Variants in UBR1 observed in about 807,000 individuals in gnomAD.
The protein encoded by UBR1 is ubiquitin protein ligase E3 component n-recognin 1.
Under a neutral mutation model 242.1 loss-of-function variants are expected in UBR1, and 102 were observed. The observed-to-expected ratio is 0.42, with a 90% CI of 0.36 to 0.50. The LOEUF is 0.50. UBR1 is among the 20% of genes least tolerant of loss of function. UBR1 has a pLI of 0.01. For synonymous variants in UBR1, 675 were observed against 684.8 expected, an observed-to-expected ratio of 0.99 and a Z score of 0.22; for missense variants, 1,772 against 2,101.8, an observed-to-expected ratio of 0.84 and a Z score of 3.07.
chr15:43,079,199 G>C (rs1346628331), intron 3 of UBR1, among the ~76,000 whole-genome samples: 1 of 152,142 alleles, frequency 6.6e-6, no homozygotes, highest in African/African-American at 2.4e-5. Context: ...AGGCACAGTG[G>C]CTCATGCCTG....
intron 12 of UBR1, among the ~76,000 whole-genome samples, chr15:43,051,438 G>C (rs1305247546): frequency 6.6e-6 from 1 of 152,188 alleles, no homozygotes; most frequent in Admixed American, 6.5e-5. Flanking sequence ...GAGGTTGGGA[G>C]GAGGGAGAGG....
At position 42,970,591 on chromosome 15, in the gene UBR1, C is replaced by G; in HGVS notation, c.4386G>C (p.Gln1462His). The G allele has an allele frequency of 6.2e-7, 1 of 1,613,718 alleles. No individual in the cohort carries two copies. The highest frequency in any genetic ancestry group is 8.5e-7 in the Non-Finnish European group (1 of 1,179,992). Reference protein sequence around the residue: ...LTVDTGLPLAQVQEDSEEAHS... With the variant: ...LTVDTGLPLAHVQEDSEEAHS... ...GAGCCTCTTCACTGTCTTCTTGAAC[C>G]TGAGCAAGGGGTAGGCCTGAAAAAG... Residue 1462 changes from glutamine to histidine, a missense_variant, in exon 40 of 47, where the codon CAG becomes CAC. Around this residue, in one of 3 missense-constraint regions of UBR1, gnomAD observed 965 missense variants for 1,079.7 expected, o/e 0.89. Transcript: ENST00000290650.
At chr15:43,043,426 C>T in intron 14 of UBR1, 31 bp from the exon 15 acceptor site, 4 of 1,608,874 alleles carry the variant, frequency 2.5e-6, no homozygotes, top group Non-Finnish European at 3.4e-6. Context: ...AAAAAGTTGA[C>T]AAGTTTTCTA....
chr15:43,054,715 C>T lies in UBR1; in HGVS notation c.1439+27G>A, dbSNP rs768657798. The T allele has an allele frequency of 1.2e-5, 20 of 1,613,180 alleles. No homozygotes were observed. In the East Asian group the frequency reaches 4.2e-4, roughly 34 times the overall value. The stretch of plus-strand genomic sequence containing the variant: ...TAAGCACACTGAGTTTAACAGGTGC[C>T]CTCACCTTTTGACTTGAACAACTTA... On this transcript the variant is annotated intron_variant, in intron 12 of 46. Coordinates refer to ENST00000290650, the MANE Select transcript of UBR1 (RefSeq NM_174916.3).
chr15:43,047,223 T>C lies in UBR1; in HGVS notation c.1606A>G (p.Ile536Val). Residue 536 changes from isoleucine to valine, a missense_variant, in exon 14 of 47, where the codon ATT (isoleucine) becomes GTT (valine). Ile to Val is a conservative substitution (Grantham distance 29, BLOSUM62 3). Coordinates refer to ENST00000290650, the MANE Select transcript of UBR1 (RefSeq NM_174916.3). ...TTCTTCAATTGCATCTGTATAGCAA[T>C]GGCAGCCTCCCAATCAGGATCCACT... ...IEVDPDWEAA[I>V]AIQMQLKNIL... 1.2e-6 allele frequency: 2 copies of C among 1,614,200 alleles called. No individual in the cohort carries two copies. The highest frequency in any genetic ancestry group is 8.5e-7 in the Non-Finnish European group (1 of 1,180,030).
chr15:43,008,732 C>G (rs1021153543), intron 29 of UBR1, among the ~76,000 whole-genome samples: 1 of 152,202 alleles, frequency 6.6e-6, no homozygotes, highest in African/African-American at 2.4e-5. Flanking sequence ...CACACACTTT[C>G]TCTCTTCTGA....
At chr15:43,027,248 C>A (rs1432359384) in intron 22 of UBR1, among the ~76,000 whole-genome samples, 1 of 151,926 alleles carries the variant, frequency 6.6e-6, no homozygotes, top group Non-Finnish European at 1.5e-5. Flanking sequence ...AAAAGCTATA[C>A]CCTATTTTAA....
intron 29 of UBR1, among the ~76,000 whole-genome samples, chr15:43,013,895 C>T (rs2032964510): frequency 6.6e-6 from 1 of 152,046 alleles, no homozygotes; most frequent in Non-Finnish European, 1.5e-5. Context: ...CACGGTCTCC[C>T]TCTCCCTCTC....
chr15:43,026,603 G>C lies in UBR1; in HGVS notation c.2493C>G (p.Phe831Leu). The C allele has an allele frequency of 6.2e-7, 1 of 1,613,350 alleles. No individual in the cohort carries two copies. The highest frequency in any genetic ancestry group is 8.5e-7 in the Non-Finnish European group (1 of 1,179,722). ...YELKDESLKDFNMYFYHYSKT... is the reference protein window; with the variant it reads ...YELKDESLKDLNMYFYHYSKT... ...TGGAGTAATGATAAAAGTACATATT[G>C]AAGTCTTTCAGTGATTCATCTTTTA... The change falls in exon 23 of 47, where the codon TTC (phenylalanine) becomes TTG (leucine). Residue 831 changes from phenylalanine to leucine, a missense_variant. Around this residue, in one of 3 missense-constraint regions of UBR1, gnomAD observed 73 missense variants for 128.9 expected, o/e 0.57. Transcript: ENST00000290650.
intron 44 of UBR1, among the ~76,000 whole-genome samples, chr15:42,953,971 C>A (rs1336000457): frequency 6.6e-6 from 1 of 151,648 alleles, no homozygotes; most frequent in East Asian, 1.9e-4. Context: ...CTGCCTCAAC[C>A]TCCTCGGCTC....
chr15:43,068,061 T>A (rs1479673054), intron 5 of UBR1, 25 bp from the exon 6 acceptor site: 4 of 1,543,882 alleles, frequency 2.6e-6, no homozygotes, highest in South Asian at 1.2e-5. Context: ...ACATATATAT[T>A]TGGATACTAC....
At chr15:43,082,794 G>T in intron 2 of UBR1, 78 bp from the exon 3 acceptor site, 1 of 1,071,410 alleles carries the variant, frequency 9.3e-7, no homozygotes, top group Non-Finnish European at 1.4e-6. Flanking sequence ...AATACAATGT[G>T]AACAAGTTTC....
chr15:43,029,390 G>A (rs1196550247), intron 21 of UBR1, among the ~76,000 whole-genome samples: 1 of 152,156 alleles, frequency 6.6e-6, no homozygotes, highest in African/African-American at 2.4e-5. Flanking sequence ...GTGCTCTGGT[G>A]AAACTAAGGC....
intron 20 of UBR1, among the ~76,000 whole-genome samples, chr15:43,031,502 T>C (rs1041068871): frequency 6.6e-6 from 1 of 152,220 alleles, no homozygotes; most frequent in South Asian, 2.1e-4. Flanking sequence ...CTAACTGGCA[T>C]ATTCTGGACA....
At chr15:43,017,327 T>C (rs1011859753) in intron 27 of UBR1, 146 bp from the exon 28 acceptor site, 19 of 662,596 alleles carry the variant, frequency 2.9e-5, no homozygotes, top group Non-Finnish European at 4.3e-5. Flanking sequence ...AAAAAGTGAC[T>C]CTGACTGTGA....
At chr15:43,042,022 A>G (rs2033425935) in intron 15 of UBR1, among the ~76,000 whole-genome samples, 1 of 152,216 alleles carries the variant, frequency 6.6e-6, no homozygotes, top group Non-Finnish European at 1.5e-5. Context: ...GGGGGGAAAA[A>G]AGGAGAAATA....
intron 1 of UBR1, among the ~76,000 whole-genome samples, chr15:43,100,942 T>C (rs1200000602): frequency 6.6e-6 from 1 of 152,188 alleles, no homozygotes; most frequent in Non-Finnish European, 1.5e-5. Flanking sequence ...ATAAAGACAA[T>C]ACAGTAATTA....
At chr15:43,102,760 A>C (rs914294478) in intron 1 of UBR1, among the ~76,000 whole-genome samples, 4 of 151,662 alleles carry the variant, frequency 2.6e-5, no homozygotes, top group African/African-American at 9.8e-5. Flanking sequence ...TTCTTACCTC[A>C]TTCTTCCATT....
At chr15:42,984,036 T>A in intron 36 of UBR1, 43 bp from the exon 37 acceptor site, 3 of 1,508,494 alleles carry the variant, frequency 2.0e-6, no homozygotes, top group Non-Finnish European at 2.7e-6. Context: ...TGAGGGAAGA[T>A]GAGAGACCTA....
Sources: allele counts gnomAD v4.1 joint callset (sites outside exome capture counted in the v4.1 genomes callset), GRCh38; gene constraint gnomAD v4.1.1; regional missense constraint gnomAD v4.1.1; transcripts MANE v1.5; gene names NCBI Gene and HGNC (gene_info 2026-07-23, HGNC 2026-07-21).